Variants in NCOR2 observed in about 807,000 individuals in gnomAD.
NCOR2 encodes the protein CTG repeat protein 26.
Under a neutral mutation model 262.9 loss-of-function variants are expected in NCOR2, and 81 were observed. The ratio of observed to expected loss-of-function variants is 0.31; its 90% CI spans 0.26 to 0.37. The LOEUF (loss-of-function observed/expected upper bound fraction) is 0.37, where lower values mean the gene tolerates loss of function less well. Ranked by LOEUF, NCOR2 falls within the 10% of genes least tolerant of loss-of-function variation. NCOR2 has a pLI of 1.00. For synonymous variants in NCOR2, 1,659 were observed against 1,559.3 expected (o/e 1.06, Z -1.51); for missense variants, 3,385 against 3,621.4 (o/e 0.93, Z 1.68).
At chr12:124,441,801 C>T (rs957396830) in intron 7 of NCOR2, among the ~76,000 whole-genome samples, 1 of 152,234 alleles carries the variant, frequency 6.6e-6, no homozygotes, top group African/African-American at 2.4e-5. Flanking sequence ...AGACCTAGGG[C>T]AGAGCCCCCT....
chr12:124,340,553 C>T (rs201544395), intron 35 of NCOR2, 49 bp downstream of exon 37: 192 of 1,525,716 alleles, frequency 1.3e-4, no homozygotes, highest in Non-Finnish European at 1.6e-4. Flanking sequence ...CCCCCAGCCG[C>T]CTCCCATGGA....
At chr12:124,560,712 G>T (rs949592538) in intron 1 of NCOR2, among the ~76,000 whole-genome samples, 1 of 152,214 alleles carries the variant, frequency 6.6e-6, no homozygotes, top group Non-Finnish European at 1.5e-5. Flanking sequence ...AAACTCAGGC[G>T]CGGGAAGCTG....
chr12:124,452,429 C>T (rs1222716632), intron 6 of NCOR2, among the ~76,000 whole-genome samples: 1 of 152,218 alleles, frequency 6.6e-6, no homozygotes, highest in Admixed American at 6.5e-5. Context: ...CCCTCACTAG[C>T]TGTGAGCTTG....
intron 7 of NCOR2, 67 bp downstream of exon 9, chr12:124,449,748 A>T: frequency 6.4e-7 from 1 of 1,561,208 alleles, no homozygotes; most frequent in Non-Finnish European, 8.8e-7. Flanking sequence ...CATCCCATGC[A>T]GGCTGCTGAG....
chr12:124,372,335 C>A, exon 20 of NCOR2: 1 of 1,520,070 alleles, frequency 6.6e-7, no homozygotes, highest in Non-Finnish European at 8.8e-7. Context: ...GGCGCTGCTG[C>A]GGTCTCCTCC....
intron 1 of NCOR2, chr12:124,513,600 T>G (rs1187011914): frequency 6.6e-6 from 1 of 152,242 alleles, no homozygotes; most frequent in East Asian, 1.9e-4. Context: ...TGCAGCTGTG[T>G]GTCTTTGAGC....
chr12:124,466,203 G>A (rs1219147265), exon 5 of NCOR2: 1 of 1,610,786 alleles, frequency 6.2e-7, no homozygotes, highest in East Asian at 2.2e-5. Flanking sequence ...TCTGCACCAG[G>A]CTGCGGTGCT....
At chr12:124,516,189 G>A (rs532536549) in intron 1 of NCOR2, among the ~76,000 whole-genome samples, 31 of 152,344 alleles carry the variant, frequency 2.0e-4, no homozygotes, top group Admixed American at 8.5e-4. Flanking sequence ...GCCCAAGAGC[G>A]GAGGCCCTGA....
chr12:124,344,673 G>A (rs1469646094), exon 32 of NCOR2: 22 of 1,511,386 alleles, frequency 1.5e-5, no homozygotes, highest in South Asian at 3.7e-5. Flanking sequence ...AGGGTGCCCC[G>A]TGGTCCTCAT....
chr12:124,408,083 G>A (rs1301864973), intron 13 of NCOR2, among the ~76,000 whole-genome samples: 2 of 152,232 alleles, frequency 1.3e-5, no homozygotes, highest in Admixed American at 1.3e-4. Flanking sequence ...GGCGGGGCGC[G>A]GTGGCTCACG....
chr12:124,404,357 G>T (rs2042153746), intron 13 of NCOR2, among the ~76,000 whole-genome samples: 1 of 152,208 alleles, frequency 6.6e-6, no homozygotes, highest in Admixed American at 6.5e-5. Flanking sequence ...CACGGGCTTG[G>T]TGTCTCCTGA....
exon 40 of NCOR2, chr12:124,335,177 G>C: frequency 6.2e-7 from 1 of 1,611,788 alleles, no homozygotes; most frequent in African/African-American, 1.3e-5. Flanking sequence ...GGTGACCTTT[G>C]ACCCCTGGGG....
At chr12:124,515,919 C>T (rs1463593868) in intron 1 of NCOR2, among the ~76,000 whole-genome samples, 4 of 152,342 alleles carry the variant, frequency 2.6e-5, no homozygotes, top group Admixed American at 2.6e-4. Flanking sequence ...TTCTGAACCT[C>T]ACCCAGGACT....
intron 1 of NCOR2, among the ~76,000 whole-genome samples, chr12:124,508,353 T>C (rs2049167283): frequency 6.6e-6 from 1 of 152,270 alleles, no homozygotes; most frequent in South Asian, 2.1e-4. Flanking sequence ...CTATGGCCCC[T>C]GCAGCCAGGA....
intron 2 of NCOR2, 167 bp downstream of exon 4, chr12:124,486,274 A>C (rs2047761423): frequency 1.8e-6 from 2 of 1,096,180 alleles, no homozygotes; most frequent in Admixed American, 3.1e-5. Context: ...TGCTCGTCCC[A>C]TCCTCACCCC....
In NCOR2 at chr12:124,342,157, T is replaced by C. The variant is rs535600228; in HGVS notation, c.4937-83A>G. 2.9e-5 allele frequency: 43 copies of C among 1,462,166 alleles called. No individual in the cohort carries two copies. In the African/African-American group the frequency reaches 5.4e-4, roughly 18 times the overall value. 90.6% of individuals were successfully genotyped at this position (1,462,166 alleles called of 1,614,324 possible). A position where few individuals can be genotyped will look rare whatever the true frequency, so the allele number is the denominator to read the frequency against. On this transcript the variant is annotated intron_variant, in intron 33 of 46. Coordinates refer to ENST00000405201, the Ensembl canonical transcript of NCOR2. Reference sequence around the variant, plus strand: ...CTCCACCTGTCTGGATGCCCCCTACTTCTGCACCCGGACAGCTTCTCCCAC... The same window carrying C: ...CTCCACCTGTCTGGATGCCCCCTACCTCTGCACCCGGACAGCTTCTCCCAC...
chr12:124,333,090 C>T (rs1417743043), intron 42 of NCOR2, 40 bp downstream of exon 44: 2 of 1,556,736 alleles, frequency 1.3e-6, no homozygotes, highest in Non-Finnish European at 1.7e-6. Flanking sequence ...CAAGGGATAC[C>T]AGAGCATCCC....
At chr12:124,368,301 G>T (rs1363511870) in intron 20 of NCOR2, among the ~76,000 whole-genome samples, 1 of 152,184 alleles carries the variant, frequency 6.6e-6, no homozygotes, top group African/African-American at 2.4e-5. Context: ...GGGGAATAAG[G>T]GCCTGGGGAC....
chr12:124,431,552 GCA>G (rs937882175), intron 8 of NCOR2, among the ~76,000 whole-genome samples: 3 of 148,482 alleles, frequency 2.0e-5, no homozygotes, highest in African/African-American at 7.6e-5. Context: ...ATACATACAG[GCA>G]CACACAAGAT....
Sources: allele counts gnomAD v4.1 joint callset (sites outside exome capture counted in the v4.1 genomes callset), GRCh38; gene constraint gnomAD v4.1.1; transcripts MANE v1.5; gene names NCBI Gene and HGNC (gene_info 2026-07-23, HGNC 2026-07-21).